Variants in FBXW7 observed in about 807,000 individuals in gnomAD.
The protein encoded by FBXW7 is F-box and WD repeat domain containing 7, also known as F-box/WD repeat-containing protein 7.
Under a neutral mutation model 86.3 loss-of-function variants are expected in FBXW7, and 11 were observed. The ratio of observed to expected loss-of-function variants is 0.13; its 90% confidence interval spans 0.08 to 0.21. The LOEUF (loss-of-function observed/expected upper bound fraction) is 0.21. Among genes scored for constraint, FBXW7 ranks in the 10% least tolerant of loss-of-function variants. The pLI is 1.00. For synonymous variants in FBXW7, 313 were observed against 297.9 expected (o/e 1.05, Z -0.52); for missense variants, 488 against 847.4 (o/e 0.58, Z 5.27).
At chr4:152,398,316 G>T (rs1391457471) in intron 4 of FBXW7, among the ~76,000 whole-genome samples, 1 of 151,324 alleles carries the variant, frequency 6.6e-6, no homozygotes, top group Non-Finnish European at 1.5e-5. Context: ...GTGTGCTTTT[G>T]ATATGATGTT....
intron 2 of FBXW7, among the ~76,000 whole-genome samples, chr4:152,482,456 C>T (rs1286996237): frequency 1.3e-5 from 2 of 152,122 alleles, no homozygotes; most frequent in Middle Eastern, 3.2e-3. Flanking sequence ...ATCATTATTT[C>T]GGAGGTGGCC....
At chr4:152,492,102 A>G (rs1293041460) in intron 2 of FBXW7, among the ~76,000 whole-genome samples, 2 of 152,158 alleles carry the variant, frequency 1.3e-5, no homozygotes, top group Non-Finnish European at 2.9e-5. Context: ...TTTTCACTCC[A>G]GAGTAGCTTT....
intron 4 of FBXW7, among the ~76,000 whole-genome samples, chr4:152,407,023 A>C (rs934635700): frequency 1.3e-5 from 2 of 152,200 alleles, no homozygotes; most frequent in African/African-American, 4.8e-5. Context: ...TACTTGTTTT[A>C]CATAAATTAT....
At position 152,322,466 on chromosome 4, in the gene FBXW7, A is replaced by G. The variant is rs2126453044; in HGVS notation, c.*415T>C. ...AAAGTCAACCAGTACTTGTTTTGAT[A>G]TTATTGCAGTTCCTTTCTAGGTGTC... On this transcript the variant is annotated 3_prime_UTR_variant, in exon 14 of 14. Coordinates refer to ENST00000281708, the MANE Select transcript of FBXW7 (RefSeq NM_001349798.2). The G allele has an allele frequency of 4.1e-6, 1 of 241,634 alleles. No individual in the cohort carries two copies. The highest frequency in any genetic ancestry group is 8.1e-6 in the Non-Finnish European group (1 of 123,162). 15.0% of individuals were successfully genotyped at this position (241,634 alleles called of 1,614,324 possible). A position where few individuals can be genotyped will look rare whatever the true frequency, so the allele number is the denominator to read the frequency against.
chr4:152,503,823 T>C (rs1747169653), intron 2 of FBXW7, among the ~76,000 whole-genome samples: 2 of 152,218 alleles, frequency 1.3e-5, no homozygotes, highest in Admixed American at 6.5e-5. Flanking sequence ...CACTGTATGA[T>C]ACACATTGAA....
rs1030503793 is a variant in FBXW7 at position 152,482,801 on chromosome 4, C to T, written c.-120+52140G>A. Among the ~76,000 whole-genome samples the T allele has an allele frequency of 2.0e-5, 3 of 151,996 alleles. No individual in the cohort carries two copies. In the East Asian group the frequency reaches 5.8e-4, roughly 29 times the overall value. On this transcript the variant is annotated intron_variant, in intron 2 of 13. Coordinates refer to ENST00000281708, the MANE Select transcript of FBXW7 (RefSeq NM_001349798.2). ...CTTTTATTCTATATTTGTCTTTATT[C>T]TCTTACAGTGATATATTTTAGTTCC... is the stretch of plus-strand genomic sequence containing the variant.
intron 2 of FBXW7, among the ~76,000 whole-genome samples, chr4:152,483,729 C>A (rs1329865943): frequency 6.6e-6 from 1 of 151,674 alleles, no homozygotes; most frequent in African/African-American, 2.4e-5. Flanking sequence ...AAAAAAAAAC[C>A]CTTTCTGTGT....
intron 2 of FBXW7, among the ~76,000 whole-genome samples, chr4:152,482,439 G>A (rs60925521): frequency 0.017 from 2,543 of 152,282 alleles, 44 homozygotes; most frequent in East Asian, 0.042. Flanking sequence ...ATATGCCTGT[G>A]ATTGCAATCA....
chr4:152,467,392 CAATT>C (rs1743551357), intron 2 of FBXW7, among the ~76,000 whole-genome samples: 1 of 152,198 alleles, frequency 6.6e-6, no homozygotes, highest in Admixed American at 6.5e-5. Flanking sequence ...AACTGTGAGT[CAATT>C]AAGCCTCTTT....
chr4:152,444,260 T>C lies in FBXW7; in HGVS notation c.-119-31731A>G, dbSNP rs562159972. ...TTACATTAAATCATGAGCACTTTCC[T>C]ATGTCTTACAAAATCTTCCCCATAT... On this transcript the variant is annotated intron_variant, in intron 2 of 13. Transcript: ENST00000281708. Among the ~76,000 whole-genome samples, 7 of 152,320 alleles carry C rather than the reference T, an allele frequency of 4.6e-5. No homozygotes were observed. In the East Asian group the frequency reaches 7.7e-4, roughly 17 times the overall value.
chr4:152,353,070 C>T (rs540581341), intron 4 of FBXW7: 3 of 1,024,804 alleles, frequency 2.9e-6, no homozygotes, highest in South Asian at 4.3e-5. Flanking sequence ...TTTGTAAAAC[C>T]TGCATTTTTG....
intron 2 of FBXW7, among the ~76,000 whole-genome samples, chr4:152,469,768 G>C (rs1743785348): frequency 6.6e-6 from 1 of 151,952 alleles, no homozygotes; most frequent in Non-Finnish European, 1.5e-5. Context: ...TAAAGAACAA[G>C]AGAGAAAAGG....
chr4:152,440,372 G>A (rs1740779367), intron 2 of FBXW7, among the ~76,000 whole-genome samples: 1 of 152,052 alleles, frequency 6.6e-6, no homozygotes, highest in Non-Finnish European at 1.5e-5. Context: ...TACTGTCCCT[G>A]GTTAGAGAGG....
intron 4 of FBXW7, among the ~76,000 whole-genome samples, chr4:152,359,385 G>A (rs746031899): frequency 1.3e-5 from 2 of 152,106 alleles, no homozygotes; most frequent in African/African-American, 2.4e-5. Flanking sequence ...AGGATCATTT[G>A]AGGCTACGAG....
At chr4:152,378,952 G>A (rs1734805857) in intron 4 of FBXW7, among the ~76,000 whole-genome samples, 1 of 152,160 alleles carries the variant, frequency 6.6e-6, no homozygotes, top group Non-Finnish European at 1.5e-5. Context: ...GCTGCAGTAA[G>A]CCAAGATGGC....
chr4:152,379,897 A>G (rs1404001434), intron 4 of FBXW7, among the ~76,000 whole-genome samples: 1 of 152,188 alleles, frequency 6.6e-6, no homozygotes, highest in African/African-American at 2.4e-5. Flanking sequence ...AGTTATAGTT[A>G]TTACTGCTAC....
Position 152,462,255 on chromosome 4 carries a change from A to G in FBXW7, c.-119-49726T>C, listed in dbSNP as rs151321165. Among the ~76,000 whole-genome samples, 45 of 152,318 alleles carry G rather than the reference A, an allele frequency of 3.0e-4. No individual in the cohort carries two copies. The East Asian group carries it at 8.3e-3, about 28-fold the overall frequency. On this transcript the variant is annotated intron_variant, in intron 2 of 13. Coordinates refer to ENST00000281708, the MANE Select transcript of FBXW7 (RefSeq NM_001349798.2). ...CCTAAATTTTAACTCTTCTGTCAAC[A>G]ATATGTTCTGTGCTCTGATACCTCA...
intron 2 of FBXW7, among the ~76,000 whole-genome samples, chr4:152,482,326 C>T (rs1244743981): frequency 6.6e-6 from 1 of 152,146 alleles, no homozygotes; most frequent in Non-Finnish European, 1.5e-5. Flanking sequence ...ATTGTATAAA[C>T]ATAACTTATA....
intron 4 of FBXW7, among the ~76,000 whole-genome samples, chr4:152,357,474 C>T (rs1732500702): frequency 6.6e-6 from 1 of 151,958 alleles, no homozygotes. Flanking sequence ...TCGTGTGCCA[C>T]CACACCCCAC....
Sources: allele counts gnomAD v4.1 joint callset (sites outside exome capture counted in the v4.1 genomes callset), GRCh38; gene constraint gnomAD v4.1.1; transcripts MANE v1.5; gene names NCBI Gene and HGNC (gene_info 2026-07-23, HGNC 2026-07-21).